The following NOS2 variants were observed in gnomAD, a reference collection of about 807,000 sequenced individuals.
NOS2 encodes nitric oxide synthase, inducible.
Under a neutral mutation model 136.0 loss-of-function variants are expected in NOS2, and 96 were observed. The ratio of observed to expected loss-of-function variants is 0.71; its 90% CI spans 0.60 to 0.84. The LOEUF (loss-of-function observed/expected upper bound fraction) is 0.84, where lower values mean the gene tolerates loss of function less well. Ranked by LOEUF, NOS2 falls within the 40% of genes least tolerant of loss-of-function variation. The pLI, the probability that NOS2 is intolerant of heterozygous loss-of-function variation, is 0.00. For synonymous variants in NOS2, 539 were observed against 587.5 expected (o/e 0.92, Z 1.20); for missense variants, 1,237 against 1,496.9 (o/e 0.83, Z 2.87).
intron 5 of NOS2, among the ~76,000 whole-genome samples, chr17:27,784,161 C>CACACACACACACACA (rs3221879): frequency 7.0e-6 from 1 of 143,334 alleles, no homozygotes; most frequent in South Asian, 2.2e-4. Context: ...CACACACACA[C>CACACACACACACACA]TACCACCACC....
chr17:27,798,991 C>G, intron 1 of NOS2, 109 bp from the exon 2 acceptor site: 1 of 593,200 alleles, frequency 1.7e-6, no homozygotes, highest in South Asian at 2.1e-5. Context: ...AGCATGAGCC[C>G]CTTCATCAAT....
Position 27,769,597 on chromosome 17 carries a change from G to C in NOS2, c.1810-13C>G. 1 of 1,608,166 alleles carries C rather than the reference G, an allele frequency of 6.2e-7. No homozygotes were observed. Among genetic ancestry groups the C allele is most frequent in the Non-Finnish European group, 8.5e-7 (1 of 1,174,618 alleles). ...ATTTCTTCAGTTTCTAGAAAGAGAG[G>C]GAATGACAGAGTTCTCAAGCCAGGA... On this transcript the variant is annotated splice_polypyrimidine_tract_variant and intron_variant, in intron 15 of 26. Transcript: ENST00000313735.
chr17:27,776,388 A>C (rs1244808290), intron 11 of NOS2, among the ~76,000 whole-genome samples: 3 of 152,188 alleles, frequency 2.0e-5, no homozygotes, highest in Non-Finnish European at 4.4e-5. Context: ...AGTGGTAGCT[A>C]CAGGATGGGT....
intron 2 of NOS2, among the ~76,000 whole-genome samples, chr17:27,795,374 C>T (rs1326473121): frequency 6.6e-6 from 1 of 152,178 alleles, no homozygotes; most frequent in Non-Finnish European, 1.5e-5. Flanking sequence ...GATAATAGTT[C>T]CTGTCTCATT....
intron 12 of NOS2, 104 bp from the exon 13 acceptor site, chr17:27,773,347 G>T: frequency 2.5e-6 from 2 of 787,368 alleles, no homozygotes; most frequent in East Asian, 2.5e-5. Flanking sequence ...CATGAGCCTG[G>T]GAGAGAAGGC....
At chr17:27,778,634 G>A (rs1908736567) in intron 11 of NOS2, 56 bp downstream of exon 11, 2 of 1,367,858 alleles carry the variant, frequency 1.5e-6, no homozygotes, top group African/African-American at 1.4e-5. Context: ...ATAAGTCACT[G>A]GATCAGTTAA....
At chr17:27,774,223 C>A (rs768814756) in intron 12 of NOS2, 34 bp downstream of exon 12, 1 of 1,413,550 alleles carries the variant, frequency 7.1e-7, no homozygotes, top group Non-Finnish European at 9.3e-7. Context: ...CACATCTGAG[C>A]CCCCAGGAAG....
At position 27,780,846 on chromosome 17, in the gene NOS2, G is replaced by T; in HGVS notation, c.925C>A (p.Leu309Met). Residue 309 changes from leucine (L) to methionine (M), a missense_variant, in exon 9 of 27, where the codon CTG (leucine) becomes ATG (methionine). Around this residue, in one of 3 missense-constraint regions of NOS2, gnomAD observed 440 missense variants for 545.4 expected, o/e 0.81. Transcript: ENST00000313735. ...YGRFDVVPLVLQANGRDPELF... is the reference protein window; with the variant it reads ...YGRFDVVPLVMQANGRDPELF... ...TCAGGGTCACGGCCATTGGCCTGCA[G>T]GACCAGGGGGACCACATCGAAGCGG... The T allele has an allele frequency of 6.2e-7, 1 of 1,614,202 alleles. No individual in the cohort carries two copies. The highest frequency in any genetic ancestry group is 8.5e-7 in the Non-Finnish European group (1 of 1,180,016).
At chr17:27,793,087 ACTGTGGCTTGC>A (rs1909243473) in intron 2 of NOS2, among the ~76,000 whole-genome samples, 1 of 149,834 alleles carries the variant, frequency 6.7e-6, no homozygotes, top group Non-Finnish European at 1.5e-5. Context: ...ACAGCTGCAG[ACTGTGGCTTGC>A]CTGGGCTGAC....
chr17:27,769,639 T>G (rs1908427009), intron 15 of NOS2, 55 bp from the exon 16 acceptor site: 2 of 1,479,728 alleles, frequency 1.4e-6, no homozygotes, highest in Non-Finnish European at 1.9e-6. Context: ...AAAACACTGT[T>G]TTTTCCTTTC....
chr17:27,761,094 C>T, intron 23 of NOS2, 50 bp downstream of exon 23: 2 of 1,467,378 alleles, frequency 1.4e-6, no homozygotes, highest in Non-Finnish European at 1.8e-6. Context: ...CCTCCCGGAA[C>T]TCCCAGGGGT....
At chr17:27,781,535 C>T (rs1042519115) in intron 7 of NOS2, among the ~76,000 whole-genome samples, 33 of 152,200 alleles carry the variant, frequency 2.2e-4, no homozygotes, top group African/African-American at 7.2e-4. Context: ...TCCTACCCCC[C>T]CATACCCCAT....
chr17:27,762,401 C>T (rs1355257796), intron 22 of NOS2, among the ~76,000 whole-genome samples: 1 of 152,156 alleles, frequency 6.6e-6, no homozygotes, highest in African/African-American at 2.4e-5. Flanking sequence ...AACCACTGGC[C>T]TCCTACCAAG....
chr17:27,795,953 G>A (rs568178193), intron 2 of NOS2, among the ~76,000 whole-genome samples: 1 of 152,146 alleles, frequency 6.6e-6, no homozygotes, highest in Non-Finnish European at 1.5e-5. Context: ...AGCCCCCAAA[G>A]ACATAGGGAT....
intron 1 of NOS2, among the ~76,000 whole-genome samples, chr17:27,799,441 A>G (rs1909461008): frequency 6.6e-6 from 1 of 152,308 alleles, no homozygotes; most frequent in South Asian, 2.1e-4. Context: ...TTTGTGAAAA[A>G]TGCACTCATC....
At chr17:27,765,772 T>C in intron 19 of NOS2, 56 bp from the exon 20 acceptor site, 4 of 1,511,522 alleles carry the variant, frequency 2.6e-6, no homozygotes, top group Non-Finnish European at 3.6e-6. Flanking sequence ...CCAGGGCTCC[T>C]TGATGGGCAG....
intron 2 of NOS2, among the ~76,000 whole-genome samples, chr17:27,792,309 G>A (rs1475619765): frequency 3.3e-5 from 5 of 152,138 alleles, no homozygotes; most frequent in Admixed American, 1.3e-4. Context: ...AAAACACCTC[G>A]AGGGAATGTT....
rs1474970900 is a variant in NOS2, at chr17:27,757,447, C to G, written c.3355-94G>C. On this transcript the variant is annotated intron_variant, in intron 26 of 26. Transcript: ENST00000313735. Reference sequence around the variant, plus strand: ...TCCCTATCACATGGACCTTCATGAGCCATCTGTCTTCCCAACTGTTATACT... The same window carrying G: ...TCCCTATCACATGGACCTTCATGAGGCATCTGTCTTCCCAACTGTTATACT... 53 of 965,910 alleles carry G rather than the reference C, an allele frequency of 5.5e-5. 1 individual carries two copies. In the Middle Eastern group the frequency reaches 6.9e-4, roughly 13 times the overall value. The allele number at this position is 965,910 out of a possible 1,614,324, so 59.8% of individuals were successfully genotyped here.
At chr17:27,789,274 G>A (rs1909117305) in intron 3 of NOS2, among the ~76,000 whole-genome samples, 1 of 152,164 alleles carries the variant, frequency 6.6e-6, no homozygotes, top group Non-Finnish European at 1.5e-5. Context: ...CCTTCCCTGG[G>A]AGCATGTAAG....
Sources: allele counts gnomAD v4.1 joint callset (sites outside exome capture counted in the v4.1 genomes callset), GRCh38; gene constraint gnomAD v4.1.1; regional missense constraint gnomAD v4.1.1; transcripts MANE v1.5; gene names NCBI Gene and HGNC (gene_info 2026-07-23, HGNC 2026-07-21).